SMOC1: variants seen among roughly 807,000 people sequenced by gnomAD.
The protein encoded by SMOC1 is SPARC-related modular calcium-binding protein 1.
A neutral mutation model predicts 56.3 loss-of-function variants in SMOC1; 22 were observed. The ratio of observed to expected loss-of-function variants is 0.39; its 90% CI spans 0.28 to 0.56. SMOC1 has a LOEUF of 0.56. Among genes scored for constraint, SMOC1 ranks in the 20% least tolerant of loss-of-function variants. SMOC1 has a pLI of 0.61. For synonymous variants in SMOC1, 193 were observed against 215.0 expected (o/e 0.90, Z 0.89); for missense variants, 509 against 565.4 (o/e 0.90, Z 1.01).
At chr14:69,926,975 C>T (rs568003253) in intron 1 of SMOC1, among the ~76,000 whole-genome samples, 258 of 152,322 alleles carry the variant, frequency 1.7e-3, no homozygotes, top group African/African-American at 6.0e-3. Context: ...CTCACATTAA[C>T]TGAGTACTCA....
intron 1 of SMOC1, among the ~76,000 whole-genome samples, chr14:69,923,550 C>G (rs1884909016): frequency 6.6e-6 from 1 of 152,134 alleles, no homozygotes. Flanking sequence ...GCGGGACAAC[C>G]CCATGCCTTC....
chr14:70,008,151 A>G (rs1366401193), intron 7 of SMOC1, among the ~76,000 whole-genome samples: 1 of 146,982 alleles, frequency 6.8e-6, no homozygotes, highest in African/African-American at 2.7e-5. Flanking sequence ...TTTTATTGAG[A>G]CAGGTTCTTA....
chr14:70,027,675 C>T (rs1293537951), intron 11 of SMOC1, among the ~76,000 whole-genome samples: 1 of 152,190 alleles, frequency 6.6e-6, no homozygotes, highest in Non-Finnish European at 1.5e-5. Flanking sequence ...TAATCCTTGG[C>T]AAGTTACCTA....
intron 3 of SMOC1, among the ~76,000 whole-genome samples, chr14:69,956,341 C>T (rs1883184187): frequency 6.6e-6 from 1 of 151,830 alleles, no homozygotes; most frequent in African/African-American, 2.4e-5. Context: ...AATAACTTCA[C>T]AAAATAAGGC....
intron 1 of SMOC1, among the ~76,000 whole-genome samples, chr14:69,931,966 T>A (rs906580471): frequency 2.0e-5 from 3 of 152,216 alleles, no homozygotes; most frequent in East Asian, 1.9e-4. Context: ...GTGGAGCAGG[T>A]GTCGCGCAGG....
intron 1 of SMOC1, among the ~76,000 whole-genome samples, chr14:69,918,627 A>G (rs1174524404): frequency 3.3e-5 from 5 of 152,184 alleles, no homozygotes; most frequent in African/African-American, 7.2e-5. Context: ...AAGTAACAGA[A>G]CTTCCGTGTG....
intron 11 of SMOC1, among the ~76,000 whole-genome samples, chr14:70,025,046 G>T (rs72729808): frequency 0.21 from 31,600 of 151,972 alleles, 3,912 homozygotes; most frequent in East Asian, 0.41. Context: ...TTCAGCTGGA[G>T]GCATGGCTGC....
chr14:69,898,214 T>C (rs1884147074), intron 1 of SMOC1, among the ~76,000 whole-genome samples: 2 of 152,192 alleles, frequency 1.3e-5, no homozygotes, highest in South Asian at 2.1e-4. Flanking sequence ...TTTTTTTCTT[T>C]ATCTTTGATT....
chr14:70,019,644 C>T (rs907364865), intron 10 of SMOC1, among the ~76,000 whole-genome samples: 1 of 152,086 alleles, frequency 6.6e-6, no homozygotes, highest in Admixed American at 6.5e-5. Context: ...AGGCTTTGGG[C>T]TTTCTTGGGC....
At chr14:69,903,800 GA>G (rs1884332032) in intron 1 of SMOC1, among the ~76,000 whole-genome samples, 1 of 151,620 alleles carries the variant, frequency 6.6e-6, no homozygotes, top group African/African-American at 2.4e-5. Flanking sequence ...AGGAAAACCA[GA>G]GACCTTTGTT....
intron 1 of SMOC1, among the ~76,000 whole-genome samples, chr14:69,942,415 G>A (rs1417856879): frequency 6.6e-6 from 1 of 152,094 alleles, no homozygotes; most frequent in African/African-American, 2.4e-5. Context: ...TTTTTATCTT[G>A]TTTGTTTGCT....
chr14:69,948,733 G>A (rs1463871973), intron 1 of SMOC1, among the ~76,000 whole-genome samples: 1 of 152,132 alleles, frequency 6.6e-6, no homozygotes, highest in East Asian at 1.9e-4. Flanking sequence ...AAAGAAAGAA[G>A]ATGAACAAGA....
rs10873220 is a variant in SMOC1, at chr14:69,903,208, T to A, written c.99+23431T>A. On this transcript the variant is annotated intron_variant, in intron 1 of 11. Transcript: ENST00000361956. Reference sequence around the variant, plus strand: ...GCCCGGCCACCCATCGTCTGAGATGTGGGGAGCCCCTCTGCCCCGCCGCCC... The same window carrying A: ...GCCCGGCCACCCATCGTCTGAGATGAGGGGAGCCCCTCTGCCCCGCCGCCC... Among the ~76,000 whole-genome samples, 15 of 150,956 alleles carry A rather than the reference T, an allele frequency of 9.9e-5. No homozygotes were observed. In the East Asian group the frequency reaches 3.0e-3, roughly 30 times the overall value.
chr14:69,950,957 A>G (rs1882974282), intron 1 of SMOC1, among the ~76,000 whole-genome samples: 1 of 152,112 alleles, frequency 6.6e-6, no homozygotes, highest in South Asian at 2.1e-4. Context: ...GGTGGTTCTG[A>G]CTTTGGGGTC....
chr14:69,885,160 C>T (rs1481139303), intron 1 of SMOC1, among the ~76,000 whole-genome samples: 3 of 151,826 alleles, frequency 2.0e-5, no homozygotes, highest in South Asian at 2.1e-4. Flanking sequence ...ACCTCTTGAT[C>T]ACTTGATTCA....
At chr14:70,029,973 G>A (rs566171409) in intron 11 of SMOC1, among the ~76,000 whole-genome samples, 1 of 152,300 alleles carries the variant, frequency 6.6e-6, no homozygotes, top group East Asian at 1.9e-4. Context: ...CCTAGGCCAA[G>A]CCTCGTTCTC....
chr14:70,011,987 G>A (rs924608224), intron 9 of SMOC1, among the ~76,000 whole-genome samples: 1 of 152,200 alleles, frequency 6.6e-6, no homozygotes, highest in African/African-American at 2.4e-5. Flanking sequence ...GACACAGGAC[G>A]ACCATGGAGT....
At chr14:69,968,182 C>T (rs1021058576) in intron 3 of SMOC1, among the ~76,000 whole-genome samples, 1 of 152,166 alleles carries the variant, frequency 6.6e-6, no homozygotes, top group Non-Finnish European at 1.5e-5. Flanking sequence ...ATGATAAATG[C>T]CAGAAAGAGG....
intron 1 of SMOC1, among the ~76,000 whole-genome samples, chr14:69,947,007 A>G: frequency 6.6e-6 from 1 of 152,144 alleles, no homozygotes. Flanking sequence ...AGCAAATGCC[A>G]GTGTTATGCT....
Sources: allele counts gnomAD v4.1 joint callset (sites outside exome capture counted in the v4.1 genomes callset), GRCh38; gene constraint gnomAD v4.1.1; transcripts MANE v1.5; gene names NCBI Gene and HGNC (gene_info 2026-07-23, HGNC 2026-07-21).